FSTL4: variants seen among roughly 807,000 people sequenced by gnomAD.
FSTL4 encodes follistatin-related protein 4.
FSTL4 carries 28 observed loss-of-function variants against 78.2 expected under a neutral mutation model. The ratio of observed to expected loss-of-function variants is 0.36; its 90% CI spans 0.27 to 0.49. The LOEUF is 0.49. Among genes scored for constraint, FSTL4 ranks in the 20% least tolerant of loss-of-function variants. The pLI, the probability that FSTL4 is intolerant of heterozygous loss-of-function variation, is 0.98. For missense variants in FSTL4, 922 were observed against 1,084.9 expected (o/e 0.85, Z 2.11); for synonymous variants, 422 against 440.5 (o/e 0.96, Z 0.53).
At chr5:133,797,624 G>T in the FSTL4 span, among the ~76,000 whole-genome samples, 2 of 152,208 alleles carry the variant, frequency 1.3e-5, no homozygotes, top group East Asian at 3.9e-4. Flanking sequence ...TTTCTCTGGG[G>T]TCCTCTTGGC....
chr5:133,410,751 C>G (rs1169565564), intron 3 of FSTL4, among the ~76,000 whole-genome samples: 1 of 152,182 alleles, frequency 6.6e-6, no homozygotes, highest in Non-Finnish European at 1.5e-5. Flanking sequence ...GTTAAAATAT[C>G]TAATATTAGC....
the FSTL4 span, among the ~76,000 whole-genome samples, chr5:133,617,902 A>G: frequency 2.6e-5 from 4 of 152,170 alleles, no homozygotes; most frequent in Admixed American, 2.0e-4. Flanking sequence ...CCTAGCAGGC[A>G]TAAAGAAGGA....
intron 4 of FSTL4, among the ~76,000 whole-genome samples, chr5:133,350,175 G>A (rs1267171785): frequency 6.6e-6 from 1 of 152,096 alleles, no homozygotes. Flanking sequence ...GCTGCCATGT[G>A]ACTGTAAAGG....
intron 6 of FSTL4, among the ~76,000 whole-genome samples, chr5:133,307,576 C>T (rs1047782244): frequency 9.2e-5 from 14 of 152,052 alleles, no homozygotes; most frequent in African/African-American, 3.4e-4. Context: ...GTACTAAGAG[C>T]CTATTACTAA....
intron 3 of FSTL4, among the ~76,000 whole-genome samples, chr5:133,493,049 C>A (rs1758298999): frequency 6.6e-6 from 1 of 151,606 alleles, no homozygotes. Flanking sequence ...TCTACTTTTC[C>A]AAATTTGCTT....
chr5:133,610,807 A>C (rs1394281967), intron 1 of FSTL4, among the ~76,000 whole-genome samples: 1 of 152,202 alleles, frequency 6.6e-6, no homozygotes, highest in Non-Finnish European at 1.5e-5. Context: ...TGGCAGTAGG[A>C]AAATAACTTA....
At chr5:133,263,393 C>G (rs1159150319) in intron 6 of FSTL4, among the ~76,000 whole-genome samples, 1 of 151,942 alleles carries the variant, frequency 6.6e-6, no homozygotes, top group Non-Finnish European at 1.5e-5. Context: ...GGGTGGAGTT[C>G]TGGGACCCCC....
chr5:133,538,919 C>CT (rs926025489), intron 3 of FSTL4, among the ~76,000 whole-genome samples: 4 of 152,130 alleles, frequency 2.6e-5, no homozygotes, highest in African/African-American at 9.7e-5. Context: ...GAGCGTCTCT[C>CT]TTTCTCTTCG....
intron 4 of FSTL4, among the ~76,000 whole-genome samples, chr5:133,382,045 A>T (rs1100636): frequency 2.6e-5 from 4 of 152,070 alleles, no homozygotes. Flanking sequence ...CCCCTTCCCC[A>T]TCCTGCACTT....
chr5:133,566,504 A>G (rs1760030090), intron 3 of FSTL4, among the ~76,000 whole-genome samples: 1 of 152,216 alleles, frequency 6.6e-6, no homozygotes, highest in Non-Finnish European at 1.5e-5. Context: ...TATCCATGTA[A>G]TAAAAAGATG....
chr5:133,628,062 C>A, the FSTL4 span, among the ~76,000 whole-genome samples: 615 of 152,042 alleles, frequency 4.0e-3, 4 homozygotes, highest in African/African-American at 0.014. Context: ...TCTTTGATAC[C>A]AATAAGAACA....
At chr5:133,775,080 G>C in the FSTL4 span, among the ~76,000 whole-genome samples, 1 of 152,174 alleles carries the variant, frequency 6.6e-6, no homozygotes, top group Non-Finnish European at 1.5e-5. Flanking sequence ...ATACCTTGCA[G>C]TTACCTCTTG....
intron 2 of FSTL4, among the ~76,000 whole-genome samples, chr5:133,571,930 T>A (rs549397176): frequency 8.5e-5 from 13 of 152,240 alleles, no homozygotes; most frequent in Non-Finnish European, 1.8e-4. Context: ...AACAAGCATG[T>A]AATTAAATTT....
chr5:133,312,824 G>T, intron 5 of FSTL4, 47 bp from the exon 6 acceptor site: 1 of 1,603,864 alleles, frequency 6.2e-7, no homozygotes, highest in Non-Finnish European at 8.5e-7. Context: ...TGAGTTTAGA[G>T]TCATAGGCAT....
At chr5:133,395,838 C>T (rs1197084928) in intron 4 of FSTL4, among the ~76,000 whole-genome samples, 1 of 152,160 alleles carries the variant, frequency 6.6e-6, no homozygotes, top group African/African-American at 2.4e-5. Context: ...CATCTTCAGG[C>T]AGATGAATTC....
chr5:133,228,530 G>A (rs1357769009), intron 8 of FSTL4, among the ~76,000 whole-genome samples: 1 of 152,144 alleles, frequency 6.6e-6, no homozygotes, highest in Middle Eastern at 3.2e-3. Context: ...GTAAAATATG[G>A]ACAAGTCAAA....
Position 133,348,394 on chromosome 5 carries a change from C to T in FSTL4, c.410-31742G>A, listed in dbSNP as rs1369528633. On this transcript the variant is annotated intron_variant, in intron 4 of 15. Coordinates refer to ENST00000265342, the MANE Select transcript of FSTL4 (RefSeq NM_015082.2). ...CCCAATGAGAGATCAAGTCACTTGT[C>T]TGGGAGGGAGAGGGGAAAGGAATTT... 2.6e-5 allele frequency among the ~76,000 whole-genome samples: 4 copies of T among 152,152 alleles called. No individual in the cohort carries two copies. The South Asian group carries it at 6.2e-4, about 24-fold the overall frequency.
the FSTL4 span, among the ~76,000 whole-genome samples, chr5:133,781,419 T>C: frequency 6.6e-6 from 1 of 151,082 alleles, no homozygotes; most frequent in Non-Finnish European, 1.5e-5. Context: ...GTGGCGTGTA[T>C]GTGTGTGTAT....
chr5:133,358,094 C>T (rs1214507074), intron 4 of FSTL4, among the ~76,000 whole-genome samples: 1 of 152,186 alleles, frequency 6.6e-6, no homozygotes, highest in East Asian at 1.9e-4. Flanking sequence ...AGGATGCCAC[C>T]TGGCCTGACT....
Sources: gnomAD v4.1 joint callset for allele counts (sites outside exome capture counted in the v4.1 genomes callset) on GRCh38, gnomAD v4.1.1 for gene constraint, MANE v1.5 for transcripts, NCBI Gene and HGNC (gene_info 2026-07-23, HGNC 2026-07-21) for gene names.